Variants in FXR1 observed in about 807,000 individuals in gnomAD.
FXR1 encodes FMR1 autosomal homolog 1.
A neutral mutation model predicts 84.0 loss-of-function variants in FXR1; 15 were observed. That is an observed-to-expected ratio of 0.18 (90% CI 0.12 to 0.27). FXR1 has a LOEUF of 0.27. Ranked by LOEUF, FXR1 falls within the 10% of genes least tolerant of loss-of-function variation. FXR1 has a pLI of 1.00. For missense variants in FXR1, 480 were observed against 774.4 expected (o/e 0.62, Z 4.51); for synonymous variants, 245 against 250.7 (o/e 0.98, Z 0.21).
At chr3:180,917,678 G>A (rs1212542725) in intron 1 of FXR1, among the ~76,000 whole-genome samples, 10 of 152,154 alleles carry the variant, frequency 6.6e-5, no homozygotes, top group African/African-American at 2.4e-4. Context: ...GCCGGGCGCC[G>A]TGGCTCATGC....
At chr3:180,922,362 A>G (rs1259545711) in intron 1 of FXR1, among the ~76,000 whole-genome samples, 1 of 152,090 alleles carries the variant, frequency 6.6e-6, no homozygotes, top group African/African-American at 2.4e-5. Flanking sequence ...AGTCTGTTGG[A>G]TGTAAAGGGA....
intron 1 of FXR1, among the ~76,000 whole-genome samples, chr3:180,932,279 A>T (rs893635645): frequency 2.0e-5 from 3 of 152,116 alleles, no homozygotes; most frequent in Non-Finnish European, 4.4e-5. Context: ...TGCCTTGGAC[A>T]TTATGGAGTC....
chr3:180,953,873 A>T, intron 9 of FXR1, 33 bp downstream of exon 9: 1 of 1,063,468 alleles, frequency 9.4e-7, no homozygotes, highest in Non-Finnish European at 1.5e-6. Flanking sequence ...AAATAAGTTA[A>T]TAAACATTAT....
At chr3:180,947,209 C>T (rs538677725) in intron 3 of FXR1, among the ~76,000 whole-genome samples, 4 of 151,972 alleles carry the variant, frequency 2.6e-5, no homozygotes, top group Non-Finnish European at 5.9e-5. Flanking sequence ...CCACCATGCC[C>T]GGCTAATTTT....
intron 1 of FXR1, among the ~76,000 whole-genome samples, chr3:180,929,280 ATT>A (rs1160030545): frequency 6.6e-6 from 1 of 151,324 alleles, no homozygotes; most frequent in African/African-American, 2.4e-5. Flanking sequence ...ATTTTAAGAT[ATT>A]TTTTTTTCCG....
chr3:180,974,309 C>G (rs565705052), intron 15 of FXR1, among the ~76,000 whole-genome samples: 1 of 152,230 alleles, frequency 6.6e-6, no homozygotes, highest in South Asian at 2.1e-4. Context: ...CAGGCTGTGT[C>G]ACCACGCCTG....
At chr3:180,955,139 C>T (rs35751112) in intron 9 of FXR1, among the ~76,000 whole-genome samples, 25,668 of 151,566 alleles carry the variant, frequency 0.17, 2,397 homozygotes, top group Middle Eastern at 0.24. Context: ...GGACTACAGG[C>T]GCCTGCCACC....
chr3:180,926,500 A>ATTTTTTTTTT (rs1261585777), intron 1 of FXR1, among the ~76,000 whole-genome samples: 1 of 51,866 alleles, frequency 1.9e-5, no homozygotes, highest in African/African-American at 1.7e-4. Flanking sequence ...ATATATATAT[A>ATTTTTTTTTT]TATATATTTT....
At chr3:180,937,767 C>T (rs1309672112) in intron 3 of FXR1, among the ~76,000 whole-genome samples, 3 of 151,926 alleles carry the variant, frequency 2.0e-5, no homozygotes, top group Non-Finnish European at 2.9e-5. Flanking sequence ...TCCCAGGTAA[C>T]GTTTCGAAAG....
At position 180,915,583 on chromosome 3, in the gene FXR1, C is replaced by G. The variant is rs181319246; in HGVS notation, c.51+2847C>G. The G allele has an allele frequency of 2.0e-4, 191 of 940,778 alleles. 1 individual carries two copies. In the Admixed American group the frequency reaches 3.8e-3, roughly 19 times the overall value. 58.3% of individuals were successfully genotyped at this position (940,778 alleles called of 1,614,324 possible). On this transcript the variant is annotated intron_variant, in intron 1 of 16. Transcript: ENST00000357559. ...GTTGCCTTGAGATGAGAGCTGTTAA[C>G]ATTTTAGTGTATTTCTTTGGTTTTT...
At chr3:180,932,665 G>A (rs981486693) in intron 1 of FXR1, among the ~76,000 whole-genome samples, 7 of 152,102 alleles carry the variant, frequency 4.6e-5, no homozygotes, top group Non-Finnish European at 8.8e-5. Context: ...CAACATAATC[G>A]TGAACAGTGT....
intron 1 of FXR1, among the ~76,000 whole-genome samples, chr3:180,925,655 T>C (rs1719086088): frequency 6.6e-6 from 1 of 152,148 alleles, no homozygotes; most frequent in South Asian, 2.1e-4. Context: ...TATTCCAAGA[T>C]GCCATCCATT....
intron 7 of FXR1, among the ~76,000 whole-genome samples, chr3:180,949,918 T>C (rs1332978616): frequency 6.6e-6 from 1 of 152,256 alleles, no homozygotes; most frequent in East Asian, 1.9e-4. Context: ...GCTAGTTCTT[T>C]ACTTTGTATT....
At chr3:180,922,180 G>A (rs1040665712) in intron 1 of FXR1, among the ~76,000 whole-genome samples, 1 of 152,096 alleles carries the variant, frequency 6.6e-6, no homozygotes, top group Non-Finnish European at 1.5e-5. Flanking sequence ...ATCAAAGAAT[G>A]GGATAGCTTG....
chr3:180,972,099 C>CA (rs34925925), intron 15 of FXR1, among the ~76,000 whole-genome samples: 2 of 152,110 alleles, frequency 1.3e-5, no homozygotes, highest in Non-Finnish European at 2.9e-5. Context: ...TAAATATTGT[C>CA]AAAAAATAGA....
At chr3:180,969,547 C>T (rs1366661372) in intron 14 of FXR1, among the ~76,000 whole-genome samples, 1 of 152,132 alleles carries the variant, frequency 6.6e-6, no homozygotes, top group Non-Finnish European at 1.5e-5. Flanking sequence ...AGTCAGCATT[C>T]GTTTCAACAT....
At chr3:180,966,703 A>C (rs969028845) in intron 13 of FXR1, among the ~76,000 whole-genome samples, 1 of 152,182 alleles carries the variant, frequency 6.6e-6, no homozygotes, top group African/African-American at 2.4e-5. Context: ...AAATAACAAC[A>C]TGGCACAGTC....
intron 7 of FXR1, among the ~76,000 whole-genome samples, chr3:180,950,498 G>T (rs1722122086): frequency 6.6e-6 from 1 of 151,918 alleles, no homozygotes; most frequent in Non-Finnish European, 1.5e-5. Context: ...TCTTTATACT[G>T]TGGTAAAGTA....
At chr3:180,966,783 G>A (rs575704807) in intron 13 of FXR1, among the ~76,000 whole-genome samples, 12 of 152,236 alleles carry the variant, frequency 7.9e-5, no homozygotes, top group African/African-American at 2.9e-4. Context: ...GCAGTGGTCT[G>A]AAGTTAGAAT....
Sources: allele counts gnomAD v4.1 joint callset (sites outside exome capture counted in the v4.1 genomes callset), GRCh38; gene constraint gnomAD v4.1.1; transcripts MANE v1.5; gene names NCBI Gene and HGNC (gene_info 2026-07-23, HGNC 2026-07-21).